STXBP5L: variants seen among roughly 807,000 people sequenced by gnomAD.
STXBP5L encodes syntaxin binding protein 5L, also known as syntaxin-binding protein 5-like.
Under a neutral mutation model 144.5 loss-of-function variants are expected in STXBP5L, and 65 were observed. The observed-to-expected ratio is 0.45, with a 90% CI of 0.37 to 0.55. STXBP5L has a LOEUF of 0.55. Ranked by LOEUF, STXBP5L falls within the 20% of genes least tolerant of loss-of-function variation. STXBP5L has a pLI of 0.00. For missense variants in STXBP5L, 1,298 were observed against 1,405.5 expected (o/e 0.92, Z 1.22); for synonymous variants, 505 against 469.6 (o/e 1.08, Z -0.97).
intron 20 of STXBP5L, among the ~76,000 whole-genome samples, chr3:121,369,939 C>T (rs2045980859): frequency 6.6e-6 from 1 of 152,042 alleles, no homozygotes; most frequent in South Asian, 2.1e-4. Context: ...GCTCTGTGTC[C>T]CCACCTAAAT....
At chr3:121,066,668 T>C (rs918683929) in intron 5 of STXBP5L, among the ~76,000 whole-genome samples, 3 of 152,168 alleles carry the variant, frequency 2.0e-5, no homozygotes, top group Non-Finnish European at 1.5e-5. Flanking sequence ...AAAAGTTTAG[T>C]ATGTAAGTTT....
intron 3 of STXBP5L, among the ~76,000 whole-genome samples, chr3:121,034,463 C>T (rs1946612516): frequency 6.6e-6 from 1 of 152,060 alleles, no homozygotes; most frequent in Admixed American, 6.6e-5. Context: ...GATATGATTT[C>T]ATTTTCTATG....
intron 3 of STXBP5L, among the ~76,000 whole-genome samples, chr3:121,017,088 T>TACGACC (rs1198445271): frequency 6.6e-6 from 1 of 152,236 alleles, no homozygotes; most frequent in East Asian, 1.9e-4. Flanking sequence ...AATTATACAC[T>TACGACC]ATGACCAAGT....
chr3:121,040,202 G>T lies in STXBP5L; in HGVS notation c.288-1498G>T, dbSNP rs1391740907. Among the ~76,000 whole-genome samples, 7 of 152,012 alleles carry T rather than the reference G, an allele frequency of 4.6e-5. No individual in the cohort carries two copies. In the South Asian group the frequency reaches 1.5e-3, roughly 32 times the overall value. ...AATTTTACGTTTTTGAGTGCTAAAG[G>T]TTTTCGTATTTCTATAATTATCCTT... On this transcript the variant is annotated intron_variant, in intron 3 of 26. Coordinates refer to ENST00000471454, the MANE Select transcript of STXBP5L (RefSeq NM_001308330.2).
chr3:121,045,671 T>C (rs1947469208), intron 5 of STXBP5L, 136 bp downstream of exon 5: 1 of 777,528 alleles, frequency 1.3e-6, no homozygotes, highest in Non-Finnish European at 2.0e-6. Flanking sequence ...CTTACTTTCA[T>C]AGTGTTTTCT....
chr3:121,136,602 A>G (rs2045267812), intron 7 of STXBP5L, among the ~76,000 whole-genome samples: 1 of 152,236 alleles, frequency 6.6e-6, no homozygotes, highest in African/African-American at 2.4e-5. Context: ...GTTGGAGAGA[A>G]TAGGTAACAC....
At chr3:121,160,743 G>T (rs576124759) in intron 9 of STXBP5L, among the ~76,000 whole-genome samples, 1 of 152,016 alleles carries the variant, frequency 6.6e-6, no homozygotes, top group Admixed American at 6.6e-5. Flanking sequence ...TATTTGTTTT[G>T]TGGGTCCCGT....
At chr3:120,960,021 A>G (rs1938570006) in intron 3 of STXBP5L, among the ~76,000 whole-genome samples, 1 of 152,206 alleles carries the variant, frequency 6.6e-6, no homozygotes. Context: ...CAAAGGGCTA[A>G]TATCCAGAAT....
chr3:121,102,349 C>G (rs1304804988), intron 5 of STXBP5L, among the ~76,000 whole-genome samples: 1 of 151,996 alleles, frequency 6.6e-6, no homozygotes, highest in Non-Finnish European at 1.5e-5. Flanking sequence ...GAGCATCATA[C>G]AGGTATACAA....
chr3:121,014,895 CTAAA>C (rs1002032063), intron 3 of STXBP5L, among the ~76,000 whole-genome samples: 4 of 151,728 alleles, frequency 2.6e-5, no homozygotes, highest in African/African-American at 7.3e-5. Flanking sequence ...AATTGAAAAA[CTAAA>C]TAAAAATTAA....
At chr3:120,985,673 G>A (rs1238092685) in intron 3 of STXBP5L, among the ~76,000 whole-genome samples, 1 of 151,720 alleles carries the variant, frequency 6.6e-6, no homozygotes, top group Non-Finnish European at 1.5e-5. Context: ...CTAGGAATTT[G>A]TCCATTTCTT....
At chr3:121,049,771 T>G (rs1444178737) in intron 5 of STXBP5L, 1 of 154,428 alleles carries the variant, frequency 6.5e-6, no homozygotes, top group Non-Finnish European at 1.5e-5. Context: ...TGAGGGAGCC[T>G]GGCCTCCTCC....
At chr3:121,280,728 G>A (rs1559932145) in intron 19 of STXBP5L, among the ~76,000 whole-genome samples, 2 of 151,742 alleles carry the variant, frequency 1.3e-5, no homozygotes, top group Non-Finnish European at 2.9e-5. Context: ...CCAAAAGGTT[G>A]CAGATGAAAA....
intron 3 of STXBP5L, among the ~76,000 whole-genome samples, chr3:120,977,411 A>G (rs1430971507): frequency 1.3e-5 from 2 of 151,874 alleles, no homozygotes; most frequent in African/African-American, 2.4e-5. Context: ...ATCTTCCTTC[A>G]TCCCTTTATT....
At chr3:121,028,543 A>G (rs1208320937) in intron 3 of STXBP5L, among the ~76,000 whole-genome samples, 2 of 152,234 alleles carry the variant, frequency 1.3e-5, no homozygotes, top group African/African-American at 2.4e-5. Flanking sequence ...TACATTTTCT[A>G]TAGTAGAAAC....
chr3:121,306,919 C>G (rs2043355089), intron 19 of STXBP5L, among the ~76,000 whole-genome samples: 1 of 151,948 alleles, frequency 6.6e-6, no homozygotes, highest in Admixed American at 6.6e-5. Context: ...AATAATAGAC[C>G]AATTACCCAG....
chr3:121,258,477 G>A (rs1416973868), intron 17 of STXBP5L, among the ~76,000 whole-genome samples: 3 of 152,146 alleles, frequency 2.0e-5, no homozygotes, highest in African/African-American at 7.2e-5. Flanking sequence ...AAGGAAATAT[G>A]AGCAAATATT....
chr3:121,362,796 CAGA>C (rs2045750817), intron 20 of STXBP5L, among the ~76,000 whole-genome samples: 4 of 151,980 alleles, frequency 2.6e-5, no homozygotes, highest in Admixed American at 2.6e-4. Context: ...TTTTCTCAAG[CAGA>C]AGGAGTTTTG....
chr3:121,324,840 G>A (rs1046508500), intron 20 of STXBP5L, among the ~76,000 whole-genome samples: 96 of 152,026 alleles, frequency 6.3e-4, no homozygotes, highest in African/African-American at 2.2e-3. Flanking sequence ...TGTTGTTTTT[G>A]TACTCTAAAC....
Sources: allele counts gnomAD v4.1 joint callset (sites outside exome capture counted in the v4.1 genomes callset), GRCh38; gene constraint gnomAD v4.1.1; transcripts MANE v1.5; gene names NCBI Gene and HGNC (gene_info 2026-07-23, HGNC 2026-07-21).